NAALADL2: variants seen among roughly 807,000 people sequenced by gnomAD.
NAALADL2 encodes N-acetylated alpha-linked acidic dipeptidase like 2, also known as inactive N-acetylated-alpha-linked acidic dipeptidase-like protein 2.
A neutral mutation model predicts 87.2 loss-of-function variants in NAALADL2; 76 were observed. The ratio of observed to expected loss-of-function variants is 0.87; its 90% CI spans 0.72 to 1.05. The LOEUF (loss-of-function observed/expected upper bound fraction) is 1.05, where lower values mean the gene tolerates loss of function less well. Ranked by LOEUF, NAALADL2 falls within the 50% of genes least tolerant of loss-of-function variation. The pLI is 0.00. For synonymous variants in NAALADL2, 354 were observed against 331.0 expected, an observed-to-expected ratio of 1.07 and a Z score of -0.75; for missense variants, 1,089 against 945.8, an observed-to-expected ratio of 1.15 and a Z score of -1.99.
chr3:174,776,738 T>C lies in NAALADL2; in HGVS notation c.-9+38992T>C, dbSNP rs117681055. On this transcript the variant is annotated intron_variant, in intron 3 of 3. Transcript: ENST00000434257. ...CACTTATTTTCATGAAGAATTCTTA[T>C]ATACTTTTTACGAATCATGGTGGCA... Among the ~76,000 whole-genome samples the C allele has an allele frequency of 1.1e-4, 17 of 152,300 alleles. 1 individual carries two copies. In the East Asian group the frequency reaches 2.9e-3, roughly 26 times the overall value.
intron 2 of NAALADL2, among the ~76,000 whole-genome samples, chr3:174,576,696 A>G (rs1353406714): frequency 6.6e-6 from 1 of 152,218 alleles, no homozygotes; most frequent in Non-Finnish European, 1.5e-5. Context: ...TGGGGTTGAG[A>G]GCTTAATAGC....
At chr3:174,902,512 A>G (rs1290689715) in intron 1 of NAALADL2, among the ~76,000 whole-genome samples, 7 of 152,116 alleles carry the variant, frequency 4.6e-5, no homozygotes, top group Non-Finnish European at 1.0e-4. Flanking sequence ...ACTCAAAAAG[A>G]CAATCGCGTG....
In NAALADL2 at chr3:174,817,023, A is replaced by G. The variant is rs190890796; in HGVS notation, c.-9+79277A>G. ...GTCTTCAGTCACTGGGTGTTCTACA[A>G]CAGGCAGGAACTTAAAGCAGCTAAA... On this transcript the variant is annotated intron_variant, in intron 3 of 3. Transcript: ENST00000434257. Among the ~76,000 whole-genome samples, 10 of 152,350 alleles carry G rather than the reference A, an allele frequency of 6.6e-5. No individual in the cohort carries two copies. In the East Asian group the frequency reaches 1.5e-3, roughly 23 times the overall value.
intron 1 of NAALADL2, among the ~76,000 whole-genome samples, chr3:174,917,201 C>T (rs906250451): frequency 4.6e-5 from 7 of 152,022 alleles, no homozygotes; most frequent in Admixed American, 6.6e-5. Context: ...ACTGAATTTT[C>T]CCATAGTCAA....
intron 3 of NAALADL2, among the ~76,000 whole-genome samples, chr3:174,792,328 G>A (rs1175753784): frequency 3.3e-5 from 5 of 151,564 alleles, no homozygotes; most frequent in Non-Finnish European, 7.4e-5. Context: ...AGGAAGGAAG[G>A]AAATTTTTGT....
At chr3:175,568,246 T>C (rs1443600190) in intron 9 of NAALADL2, among the ~76,000 whole-genome samples, 1 of 152,168 alleles carries the variant, frequency 6.6e-6, no homozygotes, top group Admixed American at 6.5e-5. Context: ...CTTTCAAAGA[T>C]TATTAGAAGA....
intron 2 of NAALADL2, among the ~76,000 whole-genome samples, chr3:175,190,889 A>T (rs1384540999): frequency 1.3e-5 from 2 of 151,480 alleles, no homozygotes; most frequent in Admixed American, 1.3e-4. Flanking sequence ...GAGGCAGGAG[A>T]ATGGCGTGAA....
chr3:174,958,090 A>G (rs1167485935), intron 1 of NAALADL2, among the ~76,000 whole-genome samples: 1 of 151,670 alleles, frequency 6.6e-6, no homozygotes, highest in East Asian at 1.9e-4. Context: ...CTCCGGAAGG[A>G]ACTGACAGCT....
At chr3:175,454,497 TTCA>T (rs2149245198) in intron 6 of NAALADL2, among the ~76,000 whole-genome samples, 1 of 152,184 alleles carries the variant, frequency 6.6e-6, no homozygotes, top group South Asian at 2.1e-4. Flanking sequence ...AACCACCTTC[TTCA>T]TCCCAGTTTT....
At chr3:175,622,467 A>G (rs911420276) in intron 10 of NAALADL2, among the ~76,000 whole-genome samples, 1 of 152,032 alleles carries the variant, frequency 6.6e-6, no homozygotes, top group Non-Finnish European at 1.5e-5. Flanking sequence ...TTGTTTTGCA[A>G]TTTCTATAGT....
intron 5 of NAALADL2, among the ~76,000 whole-genome samples, chr3:175,422,080 T>A (rs549959468): frequency 1.3e-5 from 2 of 152,276 alleles, no homozygotes; most frequent in African/African-American, 4.8e-5. Flanking sequence ...TTACTTTTTA[T>A]GTCTTTGAAT....
At chr3:175,358,630 A>G (rs1432072027) in intron 5 of NAALADL2, among the ~76,000 whole-genome samples, 1 of 152,194 alleles carries the variant, frequency 6.6e-6, no homozygotes, top group East Asian at 1.9e-4. Context: ...TTCCAAAGGT[A>G]GGAAATAAAC....
At chr3:175,111,782 A>G (rs1277834286) in intron 2 of NAALADL2, among the ~76,000 whole-genome samples, 2 of 151,594 alleles carry the variant, frequency 1.3e-5, no homozygotes, top group Non-Finnish European at 3.0e-5. Flanking sequence ...GTCATTCCAC[A>G]TATATTCATA....
At chr3:175,206,340 ATAATG>A (rs1740913455) in intron 2 of NAALADL2, among the ~76,000 whole-genome samples, 1 of 146,796 alleles carries the variant, frequency 6.8e-6, no homozygotes, top group Non-Finnish European at 1.5e-5. Context: ...ACACACATAT[ATAATG>A]TATATGTTAT....
At chr3:174,902,921 C>T (rs553777387) in intron 1 of NAALADL2, among the ~76,000 whole-genome samples, 4 of 152,178 alleles carry the variant, frequency 2.6e-5, no homozygotes, top group South Asian at 4.1e-4. Flanking sequence ...AGAAATTGAG[C>T]GCTTAGGCTG....
intron 3 of NAALADL2, among the ~76,000 whole-genome samples, chr3:174,814,013 C>A: frequency 6.6e-6 from 1 of 152,018 alleles, no homozygotes. Context: ...ATACGTATTT[C>A]ATATAGAAGT....
intron 1 of NAALADL2, among the ~76,000 whole-genome samples, chr3:174,996,585 G>T (rs902196194): frequency 6.6e-6 from 1 of 151,662 alleles, no homozygotes; most frequent in Non-Finnish European, 1.5e-5. Context: ...CCTACTTCTT[G>T]AGTTGTATGC....
chr3:175,423,224 C>CTTTTTTTTTTT (rs537789903), intron 5 of NAALADL2, among the ~76,000 whole-genome samples: 1 of 122,142 alleles, frequency 8.2e-6, no homozygotes. Flanking sequence ...TTTTTTTTTT[C>CTTTTTTTTTTT]TTTTTTTTTT....
At chr3:174,464,274 A>G (rs1716388598) in intron 1 of NAALADL2, among the ~76,000 whole-genome samples, 1 of 152,066 alleles carries the variant, frequency 6.6e-6, no homozygotes, top group South Asian at 2.1e-4. Context: ...CCTTATTCCA[A>G]TCTGTATCTA....
Sources: allele counts gnomAD v4.1 joint callset (sites outside exome capture counted in the v4.1 genomes callset), GRCh38; gene constraint gnomAD v4.1.1; transcripts MANE v1.5; gene names NCBI Gene and HGNC (gene_info 2026-07-23, HGNC 2026-07-21).